LUZP1: variants seen among roughly 807,000 people sequenced by gnomAD.
LUZP1 encodes the protein leucine zipper protein 1.
In LUZP1, 25 loss-of-function variants were observed where a neutral mutation model predicts 71.3. That is an observed-to-expected ratio of 0.35 (90% CI 0.26 to 0.49). The LOEUF is 0.49. LUZP1 is among the 20% of genes least tolerant of loss of function. LUZP1 has a pLI of 0.99. For missense variants in LUZP1, 1,142 were observed against 1,300.8 expected (o/e 0.88, Z 1.88); for synonymous variants, 481 against 506.4 (o/e 0.95, Z 0.67).
intron 2 of LUZP1, among the ~76,000 whole-genome samples, chr1:23,157,326 T>C (rs958385789): frequency 6.6e-6 from 1 of 152,166 alleles, no homozygotes; most frequent in Admixed American, 6.5e-5. Flanking sequence ...AGTGAGACCC[T>C]GTCTCAATAA....
intron 2 of LUZP1, among the ~76,000 whole-genome samples, chr1:23,115,555 T>C (rs767043998): frequency 5.3e-5 from 8 of 152,186 alleles, no homozygotes; most frequent in Non-Finnish European, 1.0e-4. Flanking sequence ...CCTCTTTTTT[T>C]TTGGAGACAA....
chr1:23,149,079 T>TTAAA (rs1304004735), intron 2 of LUZP1, among the ~76,000 whole-genome samples: 1 of 37,408 alleles, frequency 2.7e-5, no homozygotes, highest in African/African-American at 1.2e-4. Context: ...ACACCTTGCC[T>TTAAA]AAAAAAAAAA....
intron 2 of LUZP1, among the ~76,000 whole-genome samples, chr1:23,161,298 A>G (rs1442123410): frequency 6.6e-6 from 1 of 152,222 alleles, no homozygotes; most frequent in Non-Finnish European, 1.5e-5. Context: ...AGCCAGTAAT[A>G]GGGAATAATG....
chr1:23,119,575 C>A (rs1310734735), intron 2 of LUZP1, among the ~76,000 whole-genome samples: 2 of 152,070 alleles, frequency 1.3e-5, no homozygotes, highest in East Asian at 1.9e-4. Context: ...TAAGAATAAG[C>A]CCTTCTGAAA....
chr1:23,150,042 A>G (rs1644372470), intron 2 of LUZP1, among the ~76,000 whole-genome samples: 2 of 152,100 alleles, frequency 1.3e-5, no homozygotes, highest in Non-Finnish European at 1.5e-5. Context: ...AAAGGCAGAA[A>G]ATTTTTATTT....
intron 2 of LUZP1, among the ~76,000 whole-genome samples, chr1:23,144,064 T>C (rs1234463749): frequency 6.6e-6 from 1 of 152,180 alleles, no homozygotes; most frequent in Non-Finnish European, 1.5e-5. Flanking sequence ...CAAGGACAGG[T>C]ACAATACACA....
At chr1:23,149,960 CAAAAAAAAAAAA>C (rs66680455) in intron 2 of LUZP1, among the ~76,000 whole-genome samples, 16 of 75,782 alleles carry the variant, frequency 2.1e-4, no homozygotes, top group East Asian at 3.9e-4. Context: ...GACTCCGTCT[CAAAAAAAAAAAA>C]AAAAAAAAAA....
At chr1:23,114,726 G>A (rs910548217) in intron 2 of LUZP1, among the ~76,000 whole-genome samples, 5 of 152,172 alleles carry the variant, frequency 3.3e-5, no homozygotes, top group Admixed American at 6.5e-5. Flanking sequence ...TGACTAAAGC[G>A]GGAAACTGAG....
exon 5 of LUZP1, chr1:23,088,764 C>T (rs1373209965): frequency 4.6e-6 from 6 of 1,313,744 alleles, no homozygotes; most frequent in South Asian, 3.1e-5. Flanking sequence ...AGCCACAGCC[C>T]GGCTCTACCA....
exon 5 of LUZP1, chr1:23,087,713 C>G (rs1643787564): frequency 6.6e-6 from 1 of 152,618 alleles, no homozygotes; most frequent in South Asian, 2.1e-4. Flanking sequence ...GGAACCTAAC[C>G]AATTTATTTA....
In LUZP1 at chr1:23,103,863, G is replaced by A. The variant is rs1440502711; in HGVS notation, c.-120+5159C>T. Among the ~76,000 whole-genome samples, 15 of 8,714 alleles carry A rather than the reference G, an allele frequency of 1.7e-3. 1 individual carries two copies. The highest frequency in any genetic ancestry group is 4.6e-3 in the African/African-American group (12 of 2,596). The allele number at this position is 8,714 out of a possible 152,430, so 5.7% of individuals were successfully genotyped here. On this transcript the variant is annotated intron_variant, in intron 3 of 4. Transcript: ENST00000302291. ...GAGAGGGAGGGAGGGAGGGAGGGAG[G>A]GAGGGAGGGAGGGAGGGAGAGAGGG...
At chr1:23,112,371 C>T (rs570633595) in intron 2 of LUZP1, among the ~76,000 whole-genome samples, 4 of 152,252 alleles carry the variant, frequency 2.6e-5, no homozygotes, top group South Asian at 4.2e-4. Context: ...TATGTGTGTA[C>T]GTGTCTGTCT....
chr1:23,088,738 T>C, exon 5 of LUZP1: 1 of 1,033,286 alleles, frequency 9.7e-7, no homozygotes, highest in Non-Finnish European at 1.4e-6. Flanking sequence ...TCTGGCCAAA[T>C]GGCAAAAATT....
chr1:23,150,264 T>G (rs1234056667), intron 2 of LUZP1, among the ~76,000 whole-genome samples: 1 of 151,840 alleles, frequency 6.6e-6, no homozygotes, highest in Non-Finnish European at 1.5e-5. Context: ...GCAATAAAAA[T>G]GGGGAGAGAA....
At chr1:23,099,049 G>T (rs1256090530) in intron 3 of LUZP1, among the ~76,000 whole-genome samples, 3 of 152,118 alleles carry the variant, frequency 2.0e-5, no homozygotes. Flanking sequence ...ATCTTTCTCT[G>T]TCCTCTCATC....
At chr1:23,087,716 T>C (rs17278869) in exon 5 of LUZP1, 18,869 of 152,696 alleles carry the variant, frequency 0.12, 1,536 homozygotes, top group Middle Eastern at 0.28. Context: ...ACCTAACCAA[T>C]TTATTTACGT....
At chr1:23,159,266 G>A (rs963600377) in intron 2 of LUZP1, among the ~76,000 whole-genome samples, 23 of 151,610 alleles carry the variant, frequency 1.5e-4, no homozygotes, top group East Asian at 1.2e-3. Context: ...GCGTGAACCC[G>A]GGAGGCAGAG....
chr1:23,104,180 T>G (rs992376409), intron 3 of LUZP1, among the ~76,000 whole-genome samples: 3 of 151,604 alleles, frequency 2.0e-5, no homozygotes, highest in African/African-American at 7.3e-5. Context: ...CTTTTTTTCT[T>G]TTTCTTTTTT....
intron 3 of LUZP1, among the ~76,000 whole-genome samples, chr1:23,104,475 C>T (rs185054444): frequency 1.2e-4 from 19 of 152,248 alleles, no homozygotes; most frequent in South Asian, 4.2e-4. Context: ...TGAGCCACCA[C>T]GCCTGGCCCA....
Sources: gnomAD v4.1 joint callset for allele counts (sites outside exome capture counted in the v4.1 genomes callset) on GRCh38, gnomAD v4.1.1 for gene constraint, MANE v1.5 for transcripts, NCBI Gene and HGNC (gene_info 2026-07-23, HGNC 2026-07-21) for gene names.